DLG2: variants seen among roughly 807,000 people sequenced by gnomAD.
DLG2 encodes discs large MAGUK scaffold protein 2.
A neutral mutation model predicts 132.5 loss-of-function variants in DLG2; 45 were observed. The observed-to-expected ratio is 0.34, with a 90% CI of 0.27 to 0.44. The LOEUF (loss-of-function observed/expected upper bound fraction) is 0.44. Among genes scored for constraint, DLG2 ranks in the 20% least tolerant of loss-of-function variants. The probability of loss-of-function intolerance (pLI) is 1.00; values close to 1 mark genes in which losing one functional copy is unlikely to be tolerated. For missense variants in DLG2, 1,045 were observed against 1,196.9 expected (o/e 0.87, Z 1.87); for synonymous variants, 424 against 419.6 (o/e 1.01, Z -0.13).
chr11:84,052,007 G>A (rs1185554276), intron 11 of DLG2, among the ~76,000 whole-genome samples: 9 of 151,930 alleles, frequency 5.9e-5, no homozygotes, highest in African/African-American at 1.7e-4. Context: ...TAGGTCATAT[G>A]GGTGAGGGGC....
At chr11:83,686,586 T>A (rs1228624017) in intron 18 of DLG2, among the ~76,000 whole-genome samples, 1 of 147,766 alleles carries the variant, frequency 6.8e-6, no homozygotes, top group Admixed American at 6.6e-5. Flanking sequence ...ATGTTATATG[T>A]AATATGTATT....
intron 14 of DLG2, among the ~76,000 whole-genome samples, chr11:83,950,109 G>A (rs2085024708): frequency 6.6e-6 from 1 of 152,098 alleles, no homozygotes; most frequent in African/African-American, 2.4e-5. Context: ...GTGTAAAAGG[G>A]GGTAATTATA....
intron 3 of DLG2, among the ~76,000 whole-genome samples, chr11:85,560,201 T>G (rs1447806081): frequency 6.6e-6 from 1 of 151,768 alleles, no homozygotes; most frequent in Non-Finnish European, 1.5e-5. Context: ...AACATAAACT[T>G]ACCATACAAC....
At chr11:85,131,656 A>G (rs2075719354) in intron 5 of DLG2, among the ~76,000 whole-genome samples, 1 of 152,172 alleles carries the variant, frequency 6.6e-6, no homozygotes, top group African/African-American at 2.4e-5. Flanking sequence ...ATCCACTAAC[A>G]TCAACTGAAG....
chr11:84,591,523 T>C (rs2099543302), intron 6 of DLG2, among the ~76,000 whole-genome samples: 2 of 151,806 alleles, frequency 1.3e-5, no homozygotes, highest in Non-Finnish European at 2.9e-5. Context: ...AAAAATTTGC[T>C]GATGGCAAAT....
intron 6 of DLG2, among the ~76,000 whole-genome samples, chr11:84,624,554 G>T (rs938435529): frequency 6.6e-6 from 1 of 151,778 alleles, no homozygotes; most frequent in Non-Finnish European, 1.5e-5. Flanking sequence ...TATTGCTCAG[G>T]TACTGTATGA....
intron 6 of DLG2, among the ~76,000 whole-genome samples, chr11:84,765,734 C>T (rs1384886868): frequency 6.6e-6 from 1 of 152,014 alleles, no homozygotes; most frequent in Non-Finnish European, 1.5e-5. Context: ...AGTTAAAAAA[C>T]ATAAAAGTAA....
At chr11:85,053,107 T>G (rs963374157) in intron 6 of DLG2, among the ~76,000 whole-genome samples, 1 of 152,122 alleles carries the variant, frequency 6.6e-6, no homozygotes, top group Non-Finnish European at 1.5e-5. Context: ...TGCAGTGACA[T>G]CCTAGCTAAT....
chr11:85,549,613 T>C (rs1394502981), intron 3 of DLG2, among the ~76,000 whole-genome samples: 1 of 152,198 alleles, frequency 6.6e-6, no homozygotes, highest in African/African-American at 2.4e-5. Context: ...TGAGACCTAC[T>C]GGGCTGCATT....
At chr11:84,809,236 C>T (rs1339524337) in intron 6 of DLG2, among the ~76,000 whole-genome samples, 1 of 151,826 alleles carries the variant, frequency 6.6e-6, no homozygotes. Flanking sequence ...AATTTCAACA[C>T]ACATTGATAA....
chr11:84,384,668 T>G (rs1397884003), intron 7 of DLG2, among the ~76,000 whole-genome samples: 2 of 151,936 alleles, frequency 1.3e-5, no homozygotes, highest in Non-Finnish European at 2.9e-5. Flanking sequence ...ATATTAAATA[T>G]ATATATATTA....
intron 7 of DLG2, among the ~76,000 whole-genome samples, chr11:84,289,432 A>C (rs942140266): frequency 2.0e-5 from 3 of 152,160 alleles, no homozygotes; most frequent in Non-Finnish European, 2.9e-5. Context: ...GGATCAAAAA[A>C]TAATTGGAAT....
At chr11:83,483,229 C>A in intron 22 of DLG2, 1 of 1,605,280 alleles carries the variant, frequency 6.2e-7, no homozygotes, top group Non-Finnish European at 8.5e-7. Flanking sequence ...AGAAAAGTTA[C>A]AGTGACCATT....
chr11:83,837,723 C>CAAAAAAAAAAAAAAAGAAA (rs2056583458), intron 16 of DLG2, among the ~76,000 whole-genome samples: 1 of 45,948 alleles, frequency 2.2e-5, no homozygotes, highest in Non-Finnish European at 3.6e-5. Flanking sequence ...ACATAGCAAG[C>CAAAAAAAAAAAAAAAGAAA]AAAAAAAAAA....
chr11:84,730,567 C>CA (rs1408387801), intron 6 of DLG2, among the ~76,000 whole-genome samples: 2 of 151,846 alleles, frequency 1.3e-5, no homozygotes, highest in African/African-American at 4.8e-5. Context: ...TGATCATTGT[C>CA]AAAAAAATAT....
chr11:83,970,169 T>C (rs1205379077), intron 12 of DLG2, among the ~76,000 whole-genome samples: 2 of 152,108 alleles, frequency 1.3e-5, no homozygotes, highest in Non-Finnish European at 2.9e-5. Flanking sequence ...CTCCTCAGAG[T>C]ATGGAAACTA....
At chr11:85,012,619 A>G (rs2059234393) in intron 6 of DLG2, among the ~76,000 whole-genome samples, 1 of 152,200 alleles carries the variant, frequency 6.6e-6, no homozygotes, top group Non-Finnish European at 1.5e-5. Context: ...GTGGTAATAC[A>G]AATAATGAAA....
intron 17 of DLG2, among the ~76,000 whole-genome samples, chr11:83,825,855 G>A (rs570759703): frequency 6.6e-6 from 1 of 152,202 alleles, no homozygotes; most frequent in African/African-American, 2.4e-5. Context: ...TCTGGCATCT[G>A]TGGCACTACG....
At chr11:83,516,457 G>C (rs988217441) in intron 21 of DLG2, among the ~76,000 whole-genome samples, 4 of 152,080 alleles carry the variant, frequency 2.6e-5, no homozygotes, top group African/African-American at 7.2e-5. Flanking sequence ...CAGCACACTG[G>C]TGGGTCTTGA....
Sources: allele counts gnomAD v4.1 joint callset (sites outside exome capture counted in the v4.1 genomes callset), GRCh38; gene constraint gnomAD v4.1.1; transcripts MANE v1.5; gene names NCBI Gene and HGNC (gene_info 2026-07-23, HGNC 2026-07-21).